LHFPL2: variants seen among roughly 807,000 people sequenced by gnomAD.
LHFPL2 encodes LHFPL tetraspan subfamily member 2 protein.
A neutral mutation model predicts 17.5 loss-of-function variants in LHFPL2; 7 were observed. The observed-to-expected ratio is 0.40, with a 90% CI of 0.23 to 0.75. The LOEUF (loss-of-function observed/expected upper bound fraction) is 0.75. Among genes scored for constraint, LHFPL2 ranks in the 30% least tolerant of loss-of-function variants. The pLI is 0.37. For synonymous variants in LHFPL2, 134 were observed against 116.2 expected (o/e 1.15, Z -0.99); for missense variants, 241 against 294.8 (o/e 0.82, Z 1.34).
chr5:78,618,827 T>C (rs1744722079), intron 2 of LHFPL2, among the ~76,000 whole-genome samples: 1 of 152,090 alleles, frequency 6.6e-6, no homozygotes, highest in Non-Finnish European at 1.5e-5. Flanking sequence ...AACATACACA[T>C]TGAAAAAGGC....
chr5:78,630,884 C>T (rs1745218583), intron 2 of LHFPL2, among the ~76,000 whole-genome samples: 1 of 152,144 alleles, frequency 6.6e-6, no homozygotes, highest in Admixed American at 6.5e-5. Context: ...AAGTGCCACC[C>T]CAGGCATCAG....
At chr5:78,586,267 T>C (rs13356928) in intron 2 of LHFPL2, among the ~76,000 whole-genome samples, 1 of 152,008 alleles carries the variant, frequency 6.6e-6, no homozygotes, top group Non-Finnish European at 1.5e-5. Context: ...CTCACCAGGC[T>C]GCTGTGAGGA....
chr5:78,566,785 T>C (rs1028919298), intron 2 of LHFPL2, among the ~76,000 whole-genome samples: 2 of 152,260 alleles, frequency 1.3e-5, no homozygotes, highest in African/African-American at 2.4e-5. Flanking sequence ...AAATGGTTCT[T>C]TGTTAACTTA....
chr5:78,631,814 T>C (rs1335561592), intron 2 of LHFPL2, among the ~76,000 whole-genome samples: 1 of 151,872 alleles, frequency 6.6e-6, no homozygotes, highest in African/African-American at 2.4e-5. Flanking sequence ...CACATGCATG[T>C]AGTCCCAGCT....
chr5:78,485,504 A>T lies in LHFPL2; in HGVS notation c.*3393T>A, dbSNP rs1754208622. On this transcript the variant is annotated 3_prime_UTR_variant, in exon 5 of 5. Transcript: ENST00000380345. ...GAGTTTCACCACAGTCTCAGAAGAA[A>T]TCCCAGTCGTGCCTTTAACTCTTTT... The T allele has an allele frequency of 6.6e-6, 1 of 152,584 alleles. No individual in the cohort carries two copies. The allele number at this position is 152,584 out of a possible 1,614,324, so 9.5% of individuals were successfully genotyped here.
In LHFPL2 at chr5:78,518,779, C is replaced by CTCTT. The variant is rs552780789; in HGVS notation, c.-185-8385_-185-8382dup. ...AAAACCCCTTTTTAAAAAGTCTGAA[C>CTCTT]TCTTGTACTTGTTCATATGATCCAG... is the stretch of plus-strand genomic sequence containing the variant. On this transcript the variant is annotated intron_variant, in intron 3 of 4. Coordinates refer to ENST00000380345, the MANE Select transcript of LHFPL2 (RefSeq NM_005779.3). Among the ~76,000 whole-genome samples the CTCTT allele has an allele frequency of 2.2e-4, 33 of 152,298 alleles. No individual in the cohort carries two copies. The South Asian group carries it at 6.6e-3, about 31-fold the overall frequency.
intron 2 of LHFPL2, among the ~76,000 whole-genome samples, chr5:78,627,617 C>T (rs1745094794): frequency 6.6e-6 from 1 of 152,162 alleles, no homozygotes; most frequent in African/African-American, 2.4e-5. Flanking sequence ...AGACCTCGGG[C>T]AAGTCACAGG....
chr5:78,542,670 AG>A (rs1490738896), intron 3 of LHFPL2, among the ~76,000 whole-genome samples: 1 of 152,156 alleles, frequency 6.6e-6, no homozygotes, highest in Admixed American at 6.5e-5. Flanking sequence ...CTTGCCTTTC[AG>A]ACTGCTTCTC....
At chr5:78,506,818 A>G (rs1011064890) in intron 4 of LHFPL2, among the ~76,000 whole-genome samples, 1 of 152,210 alleles carries the variant, frequency 6.6e-6, no homozygotes, top group African/African-American at 2.4e-5. Context: ...GCTCCTAGAC[A>G]GCAGTCAAAC....
intron 4 of LHFPL2, chr5:78,491,262 G>A (rs1419537961): frequency 2.0e-5 from 3 of 152,218 alleles, no homozygotes; most frequent in African/African-American, 7.2e-5. Context: ...GTTTGAAGAG[G>A]GGTGATTCAC....
At chr5:78,618,156 G>A (rs980230582) in intron 2 of LHFPL2, among the ~76,000 whole-genome samples, 1 of 151,810 alleles carries the variant, frequency 6.6e-6, no homozygotes, top group Non-Finnish European at 1.5e-5. Flanking sequence ...AGCCAAGATC[G>A]CACCACTGCA....
intron 4 of LHFPL2, among the ~76,000 whole-genome samples, chr5:78,508,951 G>A (rs954978233): frequency 6.6e-6 from 1 of 152,154 alleles, no homozygotes; most frequent in Non-Finnish European, 1.5e-5. Flanking sequence ...CAAGAACCTT[G>A]AATCAAACCT....
intron 2 of LHFPL2, chr5:78,625,576 T>TGTATATATATATATATGTATATATATACA (rs1580870077): frequency 1.3e-5 from 2 of 152,212 alleles, no homozygotes; most frequent in East Asian, 3.8e-4. Flanking sequence ...CATCTCCATT[T>TGTATATATATATATATGTATATATATACA]TCTAACCTAT....
intron 2 of LHFPL2, among the ~76,000 whole-genome samples, chr5:78,572,571 A>T (rs543036208): frequency 1.2e-3 from 181 of 151,876 alleles, no homozygotes; most frequent in African/African-American, 4.2e-3. Context: ...ATATGAGGAC[A>T]TTGTAAGACT....
intron 2 of LHFPL2, among the ~76,000 whole-genome samples, chr5:78,578,545 C>G (rs1453885964): frequency 6.6e-6 from 1 of 151,366 alleles, no homozygotes; most frequent in Non-Finnish European, 1.5e-5. Context: ...CACATTTACC[C>G]CTGTTTAGGA....
At chr5:78,526,463 T>C (rs1027897978) in intron 3 of LHFPL2, among the ~76,000 whole-genome samples, 12 of 152,234 alleles carry the variant, frequency 7.9e-5, no homozygotes, top group Admixed American at 3.9e-4. Flanking sequence ...CAATATTTAC[T>C]GAAATACTGT....
chr5:78,512,048 T>C (rs1755145438), intron 3 of LHFPL2, among the ~76,000 whole-genome samples: 1 of 152,076 alleles, frequency 6.6e-6, no homozygotes, highest in Non-Finnish European at 1.5e-5. Context: ...AACAAGAACC[T>C]ACTGAAGCAC....
intron 2 of LHFPL2, among the ~76,000 whole-genome samples, chr5:78,611,672 G>C (rs1744426927): frequency 6.6e-6 from 1 of 152,194 alleles, no homozygotes; most frequent in Admixed American, 6.5e-5. Context: ...GAGGAATGTG[G>C]ATTTTATCCT....
intron 2 of LHFPL2, chr5:78,626,279 A>T (rs1745030762): frequency 6.6e-6 from 1 of 152,214 alleles, no homozygotes; most frequent in South Asian, 2.1e-4. Flanking sequence ...ATCAACTCAC[A>T]TCATTTCTGA....
Sources: allele counts gnomAD v4.1 joint callset (sites outside exome capture counted in the v4.1 genomes callset), GRCh38; gene constraint gnomAD v4.1.1; transcripts MANE v1.5; gene names NCBI Gene and HGNC (gene_info 2026-07-23, HGNC 2026-07-21).